CNTNAP5: variants seen among roughly 807,000 people sequenced by gnomAD.
The protein encoded by CNTNAP5 is contactin associated protein family member 5.
Under a neutral mutation model 150.2 loss-of-function variants are expected in CNTNAP5, and 72 were observed. The observed-to-expected ratio is 0.48, with a 90% confidence interval of 0.40 to 0.58. CNTNAP5 has a LOEUF of 0.58. Among genes scored for constraint, CNTNAP5 ranks in the 20% least tolerant of loss-of-function variants. CNTNAP5 has a pLI of 0.00. For missense variants in CNTNAP5, 1,636 were observed against 1,626.2 expected, an observed-to-expected ratio of 1.01 and a Z score of -0.10; for synonymous variants, 672 against 619.8, an observed-to-expected ratio of 1.08 and a Z score of -1.25.
At chr2:124,416,708 T>C (rs548801444) in intron 3 of CNTNAP5, among the ~76,000 whole-genome samples, 1 of 152,226 alleles carries the variant, frequency 6.6e-6, no homozygotes, top group African/African-American at 2.4e-5. Flanking sequence ...GTGATAATGA[T>C]AATGGAAAGT....
chr2:124,251,590 A>T (rs2104780282), intron 3 of CNTNAP5, among the ~76,000 whole-genome samples: 1 of 152,116 alleles, frequency 6.6e-6, no homozygotes. Flanking sequence ...AGCATCTGTT[A>T]GGCACATTCT....
intron 1 of CNTNAP5, among the ~76,000 whole-genome samples, chr2:124,042,548 G>T (rs1003909880): frequency 6.6e-6 from 1 of 152,106 alleles, no homozygotes; most frequent in Non-Finnish European, 1.5e-5. Flanking sequence ...TGGACTTGGG[G>T]TACGTATCCT....
At chr2:124,860,177 C>CA (rs1677482685) in intron 19 of CNTNAP5, among the ~76,000 whole-genome samples, 1 of 150,786 alleles carries the variant, frequency 6.6e-6, no homozygotes, top group African/African-American at 2.4e-5. Flanking sequence ...TGGTGAAACC[C>CA]ATCTCTACTA....
At chr2:124,306,818 C>T (rs1271278939) in intron 3 of CNTNAP5, among the ~76,000 whole-genome samples, 1 of 150,532 alleles carries the variant, frequency 6.6e-6, no homozygotes, top group East Asian at 2.0e-4. Context: ...ACCTCCGCCT[C>T]CCAGGTTCCA....
intron 5 of CNTNAP5, among the ~76,000 whole-genome samples, chr2:124,444,467 C>T (rs921998166): frequency 3.9e-5 from 6 of 151,950 alleles, no homozygotes; most frequent in Non-Finnish European, 5.9e-5. Flanking sequence ...TGGTGGCCTG[C>T]GCCTGTAATC....
chr2:124,438,327 C>T (rs1471063702), intron 5 of CNTNAP5, among the ~76,000 whole-genome samples: 5 of 152,118 alleles, frequency 3.3e-5, no homozygotes, highest in Admixed American at 3.3e-4. Context: ...CTGCCCTCTG[C>T]CGAATTACAA....
intron 1 of CNTNAP5, among the ~76,000 whole-genome samples, chr2:124,117,755 A>T (rs1683461817): frequency 6.6e-6 from 1 of 152,156 alleles, no homozygotes; most frequent in African/African-American, 2.4e-5. Context: ...TTAAATACCA[A>T]TTTAAATTAC....
intron 7 of CNTNAP5, among the ~76,000 whole-genome samples, chr2:124,479,151 T>C (rs988562928): frequency 3.9e-5 from 6 of 152,212 alleles, no homozygotes; most frequent in Non-Finnish European, 7.3e-5. Flanking sequence ...CTTTATTATA[T>C]GCTAATACAG....
At chr2:124,673,394 T>G (rs992709494) in intron 13 of CNTNAP5, among the ~76,000 whole-genome samples, 1 of 152,074 alleles carries the variant, frequency 6.6e-6, no homozygotes, top group South Asian at 2.1e-4. Context: ...GATAGGGCGG[T>G]AGTAACACCA....
intron 3 of CNTNAP5, among the ~76,000 whole-genome samples, chr2:124,283,911 C>T (rs968006055): frequency 2.0e-5 from 3 of 152,144 alleles, no homozygotes; most frequent in Non-Finnish European, 4.4e-5. Flanking sequence ...AAATTGTGCA[C>T]CTCCCAGTGT....
chr2:124,250,093 G>A (rs1687135852), intron 3 of CNTNAP5, among the ~76,000 whole-genome samples: 1 of 151,968 alleles, frequency 6.6e-6, no homozygotes, highest in South Asian at 2.1e-4. Context: ...CTAAAGCACT[G>A]TTTTTCCTCT....
chr2:124,765,428 T>C (rs1183740897), intron 16 of CNTNAP5, among the ~76,000 whole-genome samples: 2 of 151,250 alleles, frequency 1.3e-5, no homozygotes, highest in Non-Finnish European at 2.9e-5. Context: ...ACAGTAATTA[T>C]ACAGATGAAA....
intron 19 of CNTNAP5, among the ~76,000 whole-genome samples, chr2:124,830,544 A>AATGTACAC (rs1215449461): frequency 2.0e-5 from 3 of 152,062 alleles, no homozygotes; most frequent in African/African-American, 7.2e-5. Context: ...CAGGGTCATG[A>AATGTACAC]ATGTACACTA....
At chr2:124,707,898 G>T (rs184254042) in intron 13 of CNTNAP5, among the ~76,000 whole-genome samples, 1 of 152,040 alleles carries the variant, frequency 6.6e-6, no homozygotes, top group South Asian at 2.1e-4. Flanking sequence ...TAAAAGTGAC[G>T]ACAAATAACT....
chr2:124,217,436 G>A (rs866010457), intron 1 of CNTNAP5, among the ~76,000 whole-genome samples: 3 of 152,172 alleles, frequency 2.0e-5, no homozygotes, highest in Non-Finnish European at 4.4e-5. Context: ...ATTGAAGGCT[G>A]CAGGAGCACT....
rs1693319449 is a variant in CNTNAP5, at chr2:124,464,141, A to T, written c.919-10598A>T. Among the ~76,000 whole-genome samples the T allele has an allele frequency of 2.0e-5, 3 of 152,212 alleles. No homozygotes were observed. The South Asian group carries it at 6.2e-4, about 32-fold the overall frequency. Reference sequence around the variant, plus strand: ...ATCCAGGTGAAATTTAAGGGCAATTATTGGGGTTGGGTCAGAAGCCATAGG... The same window carrying T: ...ATCCAGGTGAAATTTAAGGGCAATTTTTGGGGTTGGGTCAGAAGCCATAGG... On this transcript the variant is annotated intron_variant, in intron 6 of 23. Transcript: ENST00000682447.
At chr2:124,900,853 CT>C (rs1227112407) in intron 21 of CNTNAP5, among the ~76,000 whole-genome samples, 4 of 151,608 alleles carry the variant, frequency 2.6e-5, no homozygotes, top group African/African-American at 9.8e-5. Context: ...TATTTCTGAT[CT>C]TTAACTCTAC....
In CNTNAP5 at chr2:124,785,767, C is replaced by A. The variant is rs141013411; in HGVS notation, c.2753-4135C>A. On this transcript the variant is annotated intron_variant, in intron 17 of 23. Coordinates refer to ENST00000682447, the MANE Select transcript of CNTNAP5 (RefSeq NM_001367498.1). ...TTCAGCTTGATCCCTAGGACAATGACTAGTTTCCAAAGGGTATCAAACACG... is the reference window on the plus strand; with the variant it reads ...TTCAGCTTGATCCCTAGGACAATGAATAGTTTCCAAAGGGTATCAAACACG... Among the ~76,000 whole-genome samples, 341 of 152,268 alleles carry A rather than the reference C, an allele frequency of 2.2e-3. 1 individual carries two copies. Among genetic ancestry groups the A allele is most frequent in the African/African-American group, 8.0e-3 (331 of 41,564 alleles).
intron 3 of CNTNAP5, among the ~76,000 whole-genome samples, chr2:124,405,256 A>G (rs188592922): frequency 1.1e-3 from 173 of 152,310 alleles, no homozygotes; most frequent in Non-Finnish European, 1.8e-3. Flanking sequence ...CAGAAGGATT[A>G]AATACATGTG....
Sources: allele counts gnomAD v4.1 joint callset (sites outside exome capture counted in the v4.1 genomes callset), GRCh38; gene constraint gnomAD v4.1.1; transcripts MANE v1.5; gene names NCBI Gene and HGNC (gene_info 2026-07-23, HGNC 2026-07-21).